The following MGRN1 variants were observed in gnomAD, a reference collection of about 807,000 sequenced individuals.
The protein encoded by MGRN1 is E3 ubiquitin-protein ligase MGRN1.
MGRN1 carries 29 observed loss-of-function variants against 69.2 expected under a neutral mutation model. That is an observed-to-expected ratio of 0.42 (90% CI 0.31 to 0.57). The LOEUF is 0.57. Ranked by LOEUF, MGRN1 falls within the 20% of genes least tolerant of loss-of-function variation. The pLI, the probability that MGRN1 is intolerant of heterozygous loss-of-function variation, is 0.15. For missense variants in MGRN1, 998 were observed against 796.2 expected (o/e 1.25, Z -3.05); for synonymous variants, 470 against 344.2 (o/e 1.37, Z -4.04).
At chr16:4,660,143 G>C (rs958089520) in intron 5 of MGRN1, among the ~76,000 whole-genome samples, 1 of 152,246 alleles carries the variant, frequency 6.6e-6, no homozygotes, top group African/African-American at 2.4e-5. Context: ...TGGCTGCACT[G>C]GCCTTGCCCA....
At chr16:4,655,112 G>T (rs1392300472) in intron 4 of MGRN1, among the ~76,000 whole-genome samples, 1 of 152,186 alleles carries the variant, frequency 6.6e-6, no homozygotes, top group East Asian at 1.9e-4. Flanking sequence ...CACCCACGGG[G>T]CCTGGTGCCC....
intron 4 of MGRN1, among the ~76,000 whole-genome samples, chr16:4,654,728 C>T (rs1411892687): frequency 1.3e-5 from 2 of 152,212 alleles, no homozygotes; most frequent in African/African-American, 4.8e-5. Flanking sequence ...CACAGCCCCT[C>T]GCGTGACAGG....
chr16:4,669,963 G>A lies in MGRN1; in HGVS notation c.727-1428G>A, dbSNP rs571138075. 1.0e-3 allele frequency among the ~76,000 whole-genome samples: 140 copies of A among 133,670 alleles called. 1 individual carries two copies. Among genetic ancestry groups the A allele is most frequent in the African/African-American group, 2.4e-3 (96 of 40,778 alleles). The allele number at this position is 133,670 out of a possible 152,430, so 87.7% of individuals were successfully genotyped here. On this transcript the variant is annotated intron_variant, in intron 8 of 16. Transcript: ENST00000262370. ...CTAGGCCACAGCTAACAGTTACTCC[G>A]TGTGTACTGTTGGGGCGCATAAGAC... is the stretch of plus-strand genomic sequence containing the variant.
intron 11 of MGRN1, among the ~76,000 whole-genome samples, chr16:4,678,866 C>T (rs1025549858): frequency 6.6e-6 from 1 of 152,280 alleles, no homozygotes; most frequent in South Asian, 2.1e-4. Flanking sequence ...CCTCCCAAGC[C>T]CCCTTGATCA....
Position 4,657,251 on chromosome 16 carries a change from G to A in MGRN1, c.449G>A (p.Ser150Asn), listed in dbSNP as rs202235487. 40 of 1,613,834 alleles carry A rather than the reference G, an allele frequency of 2.5e-5. No individual in the cohort carries two copies. In the East Asian group the frequency reaches 8.0e-4, roughly 32 times the overall value. The change falls in exon 5 of 17, where the codon AGC becomes AAC. Residue 150 changes from serine (S) to asparagine (N), a missense_variant. Ser to Asn is a conservative substitution (Grantham distance 46). Transcript: ENST00000262370. Reference protein sequence around the residue: ...EEFLNGRAVYSPKSPSLQSET... With the variant: ...EEFLNGRAVYNPKSPSLQSET... Reference sequence around the variant, plus strand: ...TTGCTCCTGGCTCCCTGCAGATACAGCCCCAAGAGCCCCTCGCTACAGTCC... The same window carrying A: ...TTGCTCCTGGCTCCCTGCAGATACAACCCCAAGAGCCCCTCGCTACAGTCC...
intron 10 of MGRN1, among the ~76,000 whole-genome samples, chr16:4,674,379 C>G (rs1055765165): frequency 6.6e-6 from 1 of 151,778 alleles, no homozygotes; most frequent in African/African-American, 2.4e-5. Context: ...AACTCCGCCT[C>G]CCGGGTTTAA....
chr16:4,673,763 AAGAAG>A, intron 10 of MGRN1, 106 bp downstream of exon 10: 1 of 1,377,940 alleles, frequency 7.3e-7, no homozygotes, highest in Non-Finnish European at 9.9e-7. Context: ...ATGGCTAAGA[AAGAAG>A]AGTTGTCATT....
At chr16:4,647,930 G>T (rs1393897113) in intron 1 of MGRN1, among the ~76,000 whole-genome samples, 1 of 152,142 alleles carries the variant, frequency 6.6e-6, no homozygotes, top group Admixed American at 6.5e-5. Flanking sequence ...GAGCACCCTG[G>T]AATCACTGTT....
intron 1 of MGRN1, among the ~76,000 whole-genome samples, chr16:4,628,429 CA>C (rs1007673552): frequency 6.8e-6 from 1 of 148,010 alleles, no homozygotes; most frequent in African/African-American, 2.5e-5. Context: ...GCAACAACAA[CA>C]AAAAAAAGAA....
At chr16:4,654,095 G>C (rs911365061) in intron 4 of MGRN1, among the ~76,000 whole-genome samples, 1 of 152,092 alleles carries the variant, frequency 6.6e-6, no homozygotes, top group Admixed American at 6.6e-5. Flanking sequence ...GGAGCTCTTA[G>C]ACGACACTTC....
rs567808116 is a variant in MGRN1 at position 4,682,035 on chromosome 16, C to T, written c.1358+259C>T. Reference sequence around the variant, plus strand: ...GGCCACACCGGCGTGCAGGCGCATACGTGCTCTCGAGCAGGAAACTGCAGG... The same window carrying T: ...GGCCACACCGGCGTGCAGGCGCATATGTGCTCTCGAGCAGGAAACTGCAGG... On this transcript the variant is annotated intron_variant, in intron 13 of 16. Transcript: ENST00000262370. Among the ~76,000 whole-genome samples the T allele has an allele frequency of 8.4e-4, 127 of 151,884 alleles. 1 individual carries two copies. The highest frequency in any genetic ancestry group is 3.4e-3 in the Middle Eastern group (1 of 294).
intron 2 of MGRN1, 54 bp downstream of exon 2, chr16:4,650,537 C>A: frequency 7.2e-7 from 1 of 1,383,700 alleles, no homozygotes; most frequent in Non-Finnish European, 1.0e-6. Context: ...GGCCCCTGTC[C>A]CCAGCAGTCC....
rs909846901 is a variant in MGRN1 at position 4,660,204 on chromosome 16, C to T, written c.561+2841C>T. 1.2e-4 allele frequency among the ~76,000 whole-genome samples: 18 copies of T among 152,224 alleles called. 1 individual carries two copies. Among genetic ancestry groups the T allele is most frequent in the South Asian group, 1.0e-3 (5 of 4,834 alleles). On this transcript the variant is annotated intron_variant, in intron 5 of 16. Transcript: ENST00000262370. ...GGCTGGGGGCCCACTTTCGTTCTGCCGCTTTTTCTCTCTAGAGTGTTAGGC... is the reference window on the plus strand; with the variant it reads ...GGCTGGGGGCCCACTTTCGTTCTGCTGCTTTTTCTCTCTAGAGTGTTAGGC...
intron 6 of MGRN1, 90 bp from the exon 7 acceptor site, chr16:4,665,012 G>T (rs2078768367): frequency 5.4e-6 from 8 of 1,483,346 alleles, no homozygotes; most frequent in Middle Eastern, 1.8e-4. Context: ...CTGAGCCCTC[G>T]GTGCCGCAGG....
intron 5 of MGRN1, among the ~76,000 whole-genome samples, chr16:4,660,245 G>C (rs1000125700): frequency 6.6e-6 from 1 of 152,236 alleles, no homozygotes; most frequent in African/African-American, 2.4e-5. Flanking sequence ...CTGCAGCTCT[G>C]TGAGCCTGGG....
At chr16:4,647,111 C>T (rs894889544) in intron 1 of MGRN1, among the ~76,000 whole-genome samples, 5 of 152,252 alleles carry the variant, frequency 3.3e-5, no homozygotes, top group Admixed American at 6.5e-5. Context: ...ACCCTCTTGC[C>T]GTGCTGCTGT....
In MGRN1 at chr16:4,690,004, T is replaced by C. The variant is rs1330332200; in HGVS notation, c.*1096T>C. ...GGCTGGTCTCAAACTCCTAAGGTCA[T>C]CCACCTGCCTCGGCCTCCCAGAGTG... On this transcript the variant is annotated 3_prime_UTR_variant, in exon 17 of 17. Coordinates refer to ENST00000262370, the MANE Select transcript of MGRN1 (RefSeq NM_015246.4). 1 of 152,042 alleles carries C rather than the reference T, an allele frequency of 6.6e-6. No individual in the cohort carries two copies. The highest frequency in any genetic ancestry group is 1.5e-5 in the Non-Finnish European group (1 of 68,038). The allele number at this position is 152,042 out of a possible 1,614,324, so 9.4% of individuals were successfully genotyped here.
At chr16:4,629,150 ATGTGTGTGTGTGTGTGTGTGTGTG>A (rs377682804) in intron 1 of MGRN1, among the ~76,000 whole-genome samples, 13 of 127,698 alleles carry the variant, frequency 1.0e-4, no homozygotes, top group South Asian at 2.6e-4. Context: ...TTCTGTTCGT[ATGTGTGTGTGTGTGTGTGTGTGTG>A]TGTGTGTGTG....
At chr16:4,635,290 A>T (rs1472416912) in intron 1 of MGRN1, among the ~76,000 whole-genome samples, 2 of 151,822 alleles carry the variant, frequency 1.3e-5, no homozygotes, top group Non-Finnish European at 2.9e-5. Flanking sequence ...GGTGGTGCAC[A>T]CCTGTAATCC....
Sources: gnomAD v4.1 joint callset for allele counts (sites outside exome capture counted in the v4.1 genomes callset) on GRCh38, gnomAD v4.1.1 for gene constraint, MANE v1.5 for transcripts, NCBI Gene and HGNC (gene_info 2026-07-23, HGNC 2026-07-21) for gene names.